ZNF491: variants seen among roughly 807,000 people sequenced by gnomAD.
The protein encoded by ZNF491 is zinc finger protein 491.
In ZNF491, 22 loss-of-function variants were observed where a neutral mutation model predicts 34.7. That is an observed-to-expected ratio of 0.63 (90% CI 0.45 to 0.90). The LOEUF is 0.90. ZNF491 is among the 40% of genes least tolerant of loss of function. The probability of loss-of-function intolerance (pLI) is 0.00; values close to 1 mark genes in which losing one functional copy is unlikely to be tolerated. For synonymous variants in ZNF491, 148 were observed against 174.3 expected (o/e 0.85, Z 1.19); for missense variants, 559 against 531.7 (o/e 1.05, Z -0.51).
chr19:11,799,463 C>T (rs184056), intron 1 of ZNF491, among the ~76,000 whole-genome samples: 40,680 of 144,142 alleles, frequency 0.28, 8,601 homozygotes, highest in African/African-American at 0.6. Context: ...ACAATTTAAT[C>T]AGAGTTTGGC....
At position 11,806,351 on chromosome 19, in the gene ZNF491, G is replaced by GT. The variant is rs777511243; in HGVS notation, c.399dup (p.Lys134Ter). 5 of 1,612,956 alleles carry GT rather than the reference G, an allele frequency of 3.1e-6. No individual in the cohort carries two copies. Among genetic ancestry groups the GT allele is most frequent in the East Asian group, 4.5e-5 (2 of 44,886 alleles). ...CACAGTGGAGATGGACCTTATAAAT[G>GT]TAAGTTTTGTGGGAAAGCCTTGGAT... On this transcript the variant is annotated frameshift_variant, in exon 3 of 3. Transcript: ENST00000323169. LOFTEE classifies it high-confidence loss of function.
At position 11,808,381 on chromosome 19, in the gene ZNF491, C is replaced by T. The variant is rs571555919; in HGVS notation, c.*1114C>T. ...TGGACAAGAGAGCAATACTCTGTCT[C>T]AAAAAAAAAAAAAAAGGTTTATTCA... On this transcript the variant is annotated 3_prime_UTR_variant, in exon 3 of 3. Transcript: ENST00000323169. Among the ~76,000 whole-genome samples, 1 of 101,412 alleles carries T rather than the reference C, an allele frequency of 9.9e-6. No homozygotes were observed. The highest frequency in any genetic ancestry group is 3.7e-5 in the African/African-American group (1 of 26,986). The allele number at this position is 101,412 out of a possible 152,430, so 66.5% of individuals were successfully genotyped here. A position where few individuals can be genotyped will look rare whatever the true frequency, so the allele number is the denominator to read the frequency against.
At position 11,806,307 on chromosome 19, in the gene ZNF491, T is replaced by A; in HGVS notation, c.354T>A (p.Ile118=). The A allele has an allele frequency of 1.9e-6, 3 of 1,605,984 alleles. No individual in the cohort carries two copies. The highest frequency in any genetic ancestry group is 2.5e-6 in the Non-Finnish European group (3 of 1,177,680). ...AATCTTTCATTTCTCCTGCAAGCAT[T>A]CGAAGATATATGGTAACGCACAGTG... ...CEKSFISPAS[I]RRYMVTHSGD... The change falls in exon 3 of 3, where the codon ATT becomes ATA. Residue 118 remains isoleucine (I), a synonymous_variant. Coordinates refer to ENST00000323169, the MANE Select transcript of ZNF491 (RefSeq NM_152356.4).
Position 11,808,044 on chromosome 19 carries a change from A to G in ZNF491, c.*777A>G, listed in dbSNP as rs899929040. The G allele has an allele frequency of 3.0e-5, 5 of 167,098 alleles. No homozygotes were observed. Among genetic ancestry groups the G allele is most frequent in the African/African-American group, 1.2e-4 (5 of 41,450 alleles). 10.4% of individuals were successfully genotyped at this position (167,098 alleles called of 1,614,324 possible). On this transcript the variant is annotated 3_prime_UTR_variant, in exon 3 of 3. Transcript: ENST00000323169. Reference sequence around the variant, plus strand: ...TATCTTTGATTATATGTGATTGACAATGTGTATTTTTGAGGGAGCAAAGAT... The same window carrying G: ...TATCTTTGATTATATGTGATTGACAGTGTGTATTTTTGAGGGAGCAAAGAT...
At chr19:11,799,883 G>C (rs1348726394) in intron 1 of ZNF491, among the ~76,000 whole-genome samples, 1 of 151,848 alleles carries the variant, frequency 6.6e-6, no homozygotes, top group East Asian at 1.9e-4. Flanking sequence ...CGTGAGCCGA[G>C]ATGGTGCCAC....
At chr19:11,799,145 G>C (rs564755005) in intron 1 of ZNF491, 1 of 152,394 alleles carries the variant, frequency 6.6e-6, no homozygotes, top group East Asian at 1.9e-4. Flanking sequence ...GAAACACCCG[G>C]TCATGGCTTG....
intron 1 of ZNF491, chr19:11,799,147 C>G (rs984264418): frequency 6.6e-5 from 10 of 152,248 alleles, no homozygotes; most frequent in African/African-American, 2.4e-4. Flanking sequence ...AACACCCGGT[C>G]ATGGCTTGTG....
In ZNF491 at chr19:11,804,536, T is replaced by C; in HGVS notation, c.-133-6T>C. 2 of 1,554,114 alleles carry C rather than the reference T, an allele frequency of 1.3e-6. No individual in the cohort carries two copies. The highest frequency in any genetic ancestry group is 4.1e-5 in the Admixed American group (2 of 48,796). On this transcript the variant is annotated splice_polypyrimidine_tract_variant and splice_region_variant and intron_variant, in intron 1 of 2. Transcript: ENST00000323169. ...CATCCTCCTCTACACATGTGAGATG[T>C]TTCAGGACCCAGTGGCCTTTGAGGA...
At chr19:11,803,503 A>G (rs1975577083) in intron 1 of ZNF491, among the ~76,000 whole-genome samples, 1 of 152,160 alleles carries the variant, frequency 6.6e-6, no homozygotes, top group Non-Finnish European at 1.5e-5. Flanking sequence ...CCAGGACCCA[A>G]TCCAGTATAC....
In ZNF491 at chr19:11,800,743, C is replaced by T. The variant is rs73506806; in HGVS notation, c.-134+2016C>T. 6.5e-3 allele frequency among the ~76,000 whole-genome samples: 988 copies of T among 152,068 alleles called. 10 individuals carry two copies. Among genetic ancestry groups the T allele is most frequent in the African/African-American group, 0.022 (926 of 41,502 alleles). ...GAAAACATTTTTTAAAAATTTTAGT[C>T]CAGGCACAGTGACTCACTCCTGTAA... On this transcript the variant is annotated intron_variant, in intron 1 of 2. Transcript: ENST00000323169.
Position 11,806,646 on chromosome 19 carries a change from C to T in ZNF491, c.693C>T (p.His231=). The T allele has an allele frequency of 1.2e-6, 2 of 1,612,188 alleles. No homozygotes were observed. The highest frequency in any genetic ancestry group is 1.7e-6 in the Non-Finnish European group (2 of 1,179,316). Residue 231 remains histidine (H), a synonymous_variant, in exon 3 of 3, where the codon CAC becomes CAT. Transcript: ENST00000323169. The stretch of plus-strand genomic sequence containing the variant: ...CCTTCAATTGTCCCAGTTCTTTTCA[C>T]AGGCATGAAAGGACTCACACAGGAG... ...GKAFNCPSSF[H]RHERTHTGEK...
At chr19:11,803,136 C>T (rs1380128854) in intron 1 of ZNF491, among the ~76,000 whole-genome samples, 1 of 152,008 alleles carries the variant, frequency 6.6e-6, no homozygotes, top group Non-Finnish European at 1.5e-5. Flanking sequence ...GCGCCTGCCA[C>T]CACACCCGGC....
intron 1 of ZNF491, among the ~76,000 whole-genome samples, chr19:11,800,867 A>C (rs1236473275): frequency 6.6e-6 from 1 of 151,744 alleles, no homozygotes; most frequent in Non-Finnish European, 1.5e-5. Flanking sequence ...ATCTCTACTG[A>C]AAACAACCAA....
rs758106680 is a variant in ZNF491 at position 11,806,244 on chromosome 19, C to A, written c.291C>A (p.His97Gln). The A allele has an allele frequency of 6.2e-6, 10 of 1,609,532 alleles. No individual in the cohort carries two copies. The highest frequency in any genetic ancestry group is 8.5e-7 in the Non-Finnish European group (1 of 1,178,918). Residue 97 changes from histidine to glutamine, a missense_variant, in exon 3 of 3, where the codon CAC (histidine) becomes CAA (glutamine). By Grantham distance (24) the His-to-Gln change is conservative. Coordinates refer to ENST00000323169, the MANE Select transcript of ZNF491 (RefSeq NM_152356.4). ...GCTTTCGAACACATGAAAGGCCTCA[C>A]ACTAGAGAGAAACCTTTTGATTGTA... Reference protein sequence around the residue: ...SHCFRTHERPHTREKPFDCKE... With the variant: ...SHCFRTHERPQTREKPFDCKE...
intron 1 of ZNF491, among the ~76,000 whole-genome samples, chr19:11,801,211 A>G (rs1975555908): frequency 6.6e-6 from 1 of 152,186 alleles, no homozygotes; most frequent in African/African-American, 2.4e-5. Flanking sequence ...GAAAAAAATT[A>G]TATTTTGTTT....
rs1975605996 is a variant in ZNF491 at position 11,806,025 on chromosome 19, C to A, written c.72C>A (p.Asp24Glu). Residue 24 changes from aspartate (D) to glutamate (E), a missense_variant, in exon 3 of 3, where the codon GAC (aspartate) becomes GAA (glutamate). Coordinates refer to ENST00000323169, the MANE Select transcript of ZNF491 (RefSeq NM_152356.4). ...AAACTTTCACCCAGGTTCCGGAAGACATGCTGAACAAGAAAACTCTTCCTG... is the reference window on the plus strand; with the variant it reads ...AAACTTTCACCCAGGTTCCGGAAGAAATGCTGAACAAGAAAACTCTTCCTG... ...CGETFTQVPE[D>E]MLNKKTLPGV... The A allele has an allele frequency of 6.2e-7, 1 of 1,613,528 alleles. No homozygotes were observed. Among genetic ancestry groups the A allele is most frequent in the African/African-American group, 1.3e-5 (1 of 75,022 alleles).
rs1975617039 is a variant in ZNF491, at chr19:11,806,606, A to G, written c.653A>G (p.Lys218Arg). Residue 218 changes from lysine to arginine, a missense_variant, in exon 3 of 3, where the codon AAG becomes AGG. By Grantham distance (26) the Lys-to-Arg change is conservative. Coordinates refer to ENST00000323169, the MANE Select transcript of ZNF491 (RefSeq NM_152356.4). ...THTGEKPYKC[K>R]ECGKAFNCPS... ...ACAGGAGAGAAGCCGTACAAATGTA[A>G]GGAATGTGGGAAAGCCTTCAATTGT... 1 of 1,614,100 alleles carries G rather than the reference A, an allele frequency of 6.2e-7. No individual in the cohort carries two copies. The highest frequency in any genetic ancestry group is 8.5e-7 in the Non-Finnish European group (1 of 1,180,012).
intron 2 of ZNF491, among the ~76,000 whole-genome samples, chr19:11,805,657 G>A (rs775953857): frequency 2.0e-5 from 3 of 152,176 alleles, no homozygotes; most frequent in Non-Finnish European, 4.4e-5. Flanking sequence ...AGATCAGCCT[G>A]GGAGACACAG....
intron 1 of ZNF491, 100 bp from the exon 2 acceptor site, chr19:11,804,442 T>G: frequency 7.4e-7 from 1 of 1,344,310 alleles, no homozygotes. Flanking sequence ...GAATAAATGT[T>G]TGGAGTCCAC....
Sources: allele counts gnomAD v4.1 joint callset (sites outside exome capture counted in the v4.1 genomes callset), GRCh38; gene constraint gnomAD v4.1.1; transcripts MANE v1.5; gene names NCBI Gene and HGNC (gene_info 2026-07-23, HGNC 2026-07-21).